GPC5: variants seen among roughly 807,000 people sequenced by gnomAD.
GPC5 encodes glypican-5.
In GPC5, 47 loss-of-function variants were observed where a neutral mutation model predicts 53.9. That is an observed-to-expected ratio of 0.87 (90% CI 0.69 to 1.11). GPC5 has a LOEUF of 1.11. Ranked by LOEUF, GPC5 falls within the 50% of genes most tolerant of loss-of-function variation. GPC5 has a pLI of 0.00. For missense variants in GPC5, 748 were observed against 713.1 expected (o/e 1.05, Z -0.56); for synonymous variants, 286 against 263.3 (o/e 1.09, Z -0.84).
At chr13:92,005,927 A>G (rs1436032556) in intron 6 of GPC5, among the ~76,000 whole-genome samples, 1 of 152,198 alleles carries the variant, frequency 6.6e-6, no homozygotes, top group Non-Finnish European at 1.5e-5. Context: ...TCAAGCTAGG[A>G]GCACTGTGTA....
At chr13:92,839,601 G>C (rs1410383110) in intron 7 of GPC5, among the ~76,000 whole-genome samples, 1 of 152,036 alleles carries the variant, frequency 6.6e-6, no homozygotes, top group Non-Finnish European at 1.5e-5. Context: ...TTGGCCTCCA[G>C]CTCCATCCAT....
intron 7 of GPC5, among the ~76,000 whole-genome samples, chr13:92,639,773 A>G (rs1165878052): frequency 2.0e-5 from 3 of 152,214 alleles, no homozygotes; most frequent in Non-Finnish European, 4.4e-5. Context: ...GAGACATTGA[A>G]AAGCAAATGG....
chr13:92,249,215 G>A (rs963425522), intron 7 of GPC5, among the ~76,000 whole-genome samples: 6 of 152,058 alleles, frequency 3.9e-5, no homozygotes, highest in Non-Finnish European at 7.4e-5. Context: ...ACAATAAATT[G>A]TTGACTATAG....
chr13:92,079,507 ATACG>A (rs753974300), intron 6 of GPC5, among the ~76,000 whole-genome samples: 2 of 152,206 alleles, frequency 1.3e-5, no homozygotes, highest in Non-Finnish European at 2.9e-5. Context: ...ATTTGTCATA[ATACG>A]TACATCTGCT....
At chr13:92,846,661 G>A (rs1878622265) in intron 7 of GPC5, among the ~76,000 whole-genome samples, 1 of 152,096 alleles carries the variant, frequency 6.6e-6, no homozygotes, top group South Asian at 2.1e-4. Flanking sequence ...AAATGAGAGA[G>A]TTTTATCATG....
At chr13:91,739,236 C>T (rs1050530346) in intron 4 of GPC5, among the ~76,000 whole-genome samples, 2 of 151,162 alleles carry the variant, frequency 1.3e-5, no homozygotes, top group Non-Finnish European at 2.9e-5. Flanking sequence ...TGAGAAATAA[C>T]TAAGGTTGTG....
intron 6 of GPC5, among the ~76,000 whole-genome samples, chr13:92,141,117 T>C (rs544927640): frequency 6.6e-6 from 1 of 152,210 alleles, no homozygotes; most frequent in South Asian, 2.1e-4. Flanking sequence ...AAAGATCTTA[T>C]TGTGAAAAGC....
intron 6 of GPC5, among the ~76,000 whole-genome samples, chr13:92,010,893 T>C (rs897854519): frequency 6.6e-6 from 1 of 152,216 alleles, no homozygotes; most frequent in South Asian, 2.1e-4. Context: ...TATTCTGTTA[T>C]GGCAGCCTGA....
chr13:92,787,341 T>C (rs558050778), intron 7 of GPC5, among the ~76,000 whole-genome samples: 2 of 152,068 alleles, frequency 1.3e-5, no homozygotes, highest in South Asian at 2.1e-4. Flanking sequence ...TACTATATTA[T>C]GAAACAAAAT....
intron 7 of GPC5, among the ~76,000 whole-genome samples, chr13:92,351,761 G>A (rs35802196): frequency 6.6e-6 from 1 of 152,010 alleles, no homozygotes. Context: ...ACTTAAAATT[G>A]TATGAGAGAA....
chr13:92,432,039 G>A (rs1315339560), intron 7 of GPC5, among the ~76,000 whole-genome samples: 3 of 152,170 alleles, frequency 2.0e-5, no homozygotes, highest in Admixed American at 2.0e-4. Context: ...ATTTGGAGAT[G>A]AGGCCTTTGG....
intron 5 of GPC5, among the ~76,000 whole-genome samples, chr13:91,789,050 C>T (rs748304975): frequency 2.0e-4 from 31 of 152,118 alleles, no homozygotes; most frequent in African/African-American, 4.1e-4. Context: ...CCCATCTCTA[C>T]TAAAAATACC....
chr13:92,266,237 C>T (rs1166741419), intron 7 of GPC5, among the ~76,000 whole-genome samples: 1 of 152,046 alleles, frequency 6.6e-6, no homozygotes, highest in Non-Finnish European at 1.5e-5. Flanking sequence ...CCGTTTGATT[C>T]TAAGATGTTT....
chr13:92,700,464 T>C (rs994555476), intron 7 of GPC5, among the ~76,000 whole-genome samples: 1 of 152,100 alleles, frequency 6.6e-6, no homozygotes, highest in Non-Finnish European at 1.5e-5. Context: ...GTGTTAGGTA[T>C]GCATTTAATC....
At chr13:92,758,287 T>A (rs1435149355) in intron 7 of GPC5, among the ~76,000 whole-genome samples, 2 of 141,066 alleles carry the variant, frequency 1.4e-5, no homozygotes, top group African/African-American at 2.6e-5. Context: ...AACAATGAGA[T>A]CACATGGACA....
intron 6 of GPC5, among the ~76,000 whole-genome samples, chr13:91,945,278 AG>A (rs1415223209): frequency 6.6e-6 from 1 of 151,988 alleles, no homozygotes; most frequent in African/African-American, 2.4e-5. Flanking sequence ...TTTACAATTT[AG>A]TTTTTTTGTT....
At chr13:91,399,242 G>T in intron 1 of GPC5, 33 bp downstream of exon 1, 1 of 1,599,692 alleles carries the variant, frequency 6.3e-7, no homozygotes. Context: ...CTGGACTGGC[G>T]GCGTCCGAGC....
At chr13:92,139,193 A>G (rs1831012) in intron 6 of GPC5, among the ~76,000 whole-genome samples, 87,887 of 151,968 alleles carry the variant, frequency 0.58, 25,738 homozygotes, top group Non-Finnish European at 0.61. Flanking sequence ...AAAATAATTA[A>G]GCAAGACCAC....
intron 5 of GPC5, among the ~76,000 whole-genome samples, chr13:91,810,320 C>T (rs1263449461): frequency 6.6e-6 from 1 of 151,888 alleles, no homozygotes; most frequent in Admixed American, 6.6e-5. Flanking sequence ...ATGCTTCCTA[C>T]AAGAGACATT....
Sources: allele counts gnomAD v4.1 joint callset (sites outside exome capture counted in the v4.1 genomes callset), GRCh38; gene constraint gnomAD v4.1.1; transcripts MANE v1.5; gene names NCBI Gene and HGNC (gene_info 2026-07-23, HGNC 2026-07-21).